Variants in GAN observed in about 807,000 individuals in gnomAD.
GAN encodes epididymis secretory sperm binding protein.
In GAN, 48 loss-of-function variants were observed where a neutral mutation model predicts 71.3. The observed-to-expected ratio is 0.67, with a 90% confidence interval of 0.53 to 0.86. The LOEUF (loss-of-function observed/expected upper bound fraction) is 0.86, where lower values mean the gene tolerates loss of function less well. Ranked by LOEUF, GAN falls within the 40% of genes least tolerant of loss-of-function variation. The probability of loss-of-function intolerance (pLI) is 0.00; values close to 1 mark genes in which losing one functional copy is unlikely to be tolerated. For missense variants in GAN, 928 were observed against 770.1 expected (o/e 1.21, Z -2.43); for synonymous variants, 386 against 276.8 (o/e 1.39, Z -3.92).
At position 81,354,729 on chromosome 16, in the gene GAN, A is replaced by T; in HGVS notation, c.607A>T (p.Ile203Leu). 6.3e-7 allele frequency: 1 copy of T among 1,596,320 alleles called. No homozygotes were observed. Among genetic ancestry groups the T allele is most frequent in the Non-Finnish European group, 8.6e-7 (1 of 1,163,654 alleles). Reference protein sequence around the residue: ...RYVFEAVIRWIAHDTEIRKVH... With the variant: ...RYVFEAVIRWLAHDTEIRKVH... ...TGTCTTTGAAGCAGTAATTCGATGG[A>T]TAGCACATGATACAGAAATAAGAAA... is the stretch of plus-strand genomic sequence containing the variant. Residue 203 changes from isoleucine to leucine, a missense_variant, in exon 3 of 11, where the codon ATA becomes TTA. By Grantham distance (5) the Ile-to-Leu change is conservative. Transcript: ENST00000648994.
chr16:81,358,259 C>G (rs1479937676), intron 5 of GAN, among the ~76,000 whole-genome samples: 1 of 152,144 alleles, frequency 6.6e-6, no homozygotes, highest in East Asian at 1.9e-4. Flanking sequence ...TTTCTTTGCA[C>G]CATGGTAGTC....
Position 81,377,714 on chromosome 16 carries a change from CTT to C in GAN, c.*120_*121del, listed in dbSNP as rs1904286876. ...TGTGCTGGGCTTTGGTATGGTAACT[CTT>C]TGGTGGTTTTATGATGCTTACAAAC... On this transcript the variant is annotated 3_prime_UTR_variant, in exon 11 of 11. Transcript: ENST00000648994. 1.1e-6 allele frequency: 1 copy of C among 950,184 alleles called. No individual in the cohort carries two copies. The highest frequency in any genetic ancestry group is 1.7e-6 in the Non-Finnish European group (1 of 582,168). 58.9% of individuals were successfully genotyped at this position (950,184 alleles called of 1,614,324 possible).
At chr16:81,362,702 G>A (rs1427139243) in intron 6 of GAN, 91 bp downstream of exon 6, 4 of 798,302 alleles carry the variant, frequency 5.0e-6, no homozygotes, top group African/African-American at 1.7e-5. Flanking sequence ...GGAAGAAACG[G>A]CAGCCTTGTC....
rs1005192700 is a variant in GAN at position 81,380,141 on chromosome 16, A to C, written c.*2545A>C. 1 of 152,602 alleles carries C rather than the reference A, an allele frequency of 6.6e-6. No homozygotes were observed. Among genetic ancestry groups the C allele is most frequent in the Non-Finnish European group, 1.5e-5 (1 of 68,036 alleles). The allele number at this position is 152,602 out of a possible 1,614,324, so 9.5% of individuals were successfully genotyped here. On this transcript the variant is annotated 3_prime_UTR_variant, in exon 11 of 11. Transcript: ENST00000648994. ...TAATCATGACTCTTTTGTAAATTAC[A>C]GTTATTTCAGTATTGTAAAATAAAT...
At chr16:81,337,507 A>G (rs1471304462) in intron 1 of GAN, among the ~76,000 whole-genome samples, 1 of 152,216 alleles carries the variant, frequency 6.6e-6, no homozygotes, top group East Asian at 1.9e-4. Flanking sequence ...GATTCTTGGA[A>G]GACGATGACC....
chr16:81,356,884 G>T lies in GAN; in HGVS notation c.733G>T (p.Val245Phe). ...GAATGAACCATTAGTACGAGAAATT[G>T]TCAAAGAGTGTAGCAATATACCGCT... ...MLNEPLVREI[V>F]KECSNIPLSQ... The change falls in exon 4 of 11, where the codon GTC becomes TTC. Residue 245 changes from valine to phenylalanine, a missense_variant. Coordinates refer to ENST00000648994, the MANE Select transcript of GAN (RefSeq NM_022041.4). 6.2e-7 allele frequency: 1 copy of T among 1,613,914 alleles called. No homozygotes were observed. Among genetic ancestry groups the T allele is most frequent in the Non-Finnish European group, 8.5e-7 (1 of 1,179,836 alleles).
At chr16:81,365,252 T>A in intron 8 of GAN, 98 bp from the exon 9 acceptor site, 1 of 1,566,672 alleles carries the variant, frequency 6.4e-7, no homozygotes, top group African/African-American at 1.3e-5. Context: ...AAGGCCCACG[T>A]AGTAATGCTG....
chr16:81,341,847 TAA>T (rs1425376018), intron 1 of GAN, among the ~76,000 whole-genome samples: 7 of 152,100 alleles, frequency 4.6e-5, no homozygotes, highest in Non-Finnish European at 1.0e-4. Flanking sequence ...GCAAATTGGA[TAA>T]AGAGTCAAGA....
intron 1 of GAN, among the ~76,000 whole-genome samples, chr16:81,335,171 G>A (rs1354768300): frequency 1.3e-5 from 2 of 151,206 alleles, no homozygotes; most frequent in Middle Eastern, 3.2e-3. Context: ...GGTGTTCCAG[G>A]CAGGGAGGAG....
chr16:81,316,103 G>C (rs557916398), intron 1 of GAN, among the ~76,000 whole-genome samples: 1 of 152,316 alleles, frequency 6.6e-6, no homozygotes, highest in East Asian at 1.9e-4. Flanking sequence ...TTAAAAGGTT[G>C]ATAAGACAGT....
At chr16:81,364,352 C>G (rs9923254) in intron 7 of GAN, among the ~76,000 whole-genome samples, 101,275 of 152,042 alleles carry the variant, frequency 0.67, 34,205 homozygotes, top group East Asian at 0.93. Context: ...TCACTGCAAC[C>G]TCTTTCTGCC....
Position 81,365,376 on chromosome 16 carries a change from C to T in GAN, c.1400C>T (p.Ala467Val). 6.2e-7 allele frequency: 1 copy of T among 1,613,546 alleles called. No individual in the cohort carries two copies. The highest frequency in any genetic ancestry group is 8.5e-7 in the Non-Finnish European group (1 of 1,179,904). Reference protein sequence around the residue: ...RRFGAVACGVAMELYVFGGVR... With the variant: ...RRFGAVACGVVMELYVFGGVR... ...TTTGGAGCGGTGGCCTGTGGAGTTGCTATGGAGCTGTATGTGTTTGGGGGA... is the reference window on the plus strand; with the variant it reads ...TTTGGAGCGGTGGCCTGTGGAGTTGTTATGGAGCTGTATGTGTTTGGGGGA... The change falls in exon 9 of 11, where the codon GCT becomes GTT. Residue 467 changes from alanine to valine, a missense_variant. Transcript: ENST00000648994.
chr16:81,375,805 A>G lies in GAN; in HGVS notation c.1503-1414A>G, dbSNP rs895115224. Among the ~76,000 whole-genome samples the G allele has an allele frequency of 1.7e-4, 24 of 145,442 alleles. 1 individual carries two copies. The South Asian group carries it at 2.2e-3, about 13-fold the overall frequency. On this transcript the variant is annotated intron_variant, in intron 9 of 10. Coordinates refer to ENST00000648994, the MANE Select transcript of GAN (RefSeq NM_022041.4). ...GCATGGTGAGACCTCATCTCTATGG[A>G]AAAAAAAAAAATTCATTAGCTGGGT...
Position 81,375,717 on chromosome 16 carries a change from G to A in GAN, c.1503-1502G>A, listed in dbSNP as rs150904799. On this transcript the variant is annotated intron_variant, in intron 9 of 10. Coordinates refer to ENST00000648994, the MANE Select transcript of GAN (RefSeq NM_022041.4). ...ATGGTGGCTCACACCTGCAATCCCA[G>A]TACTTTAGGAGGCCAAGACAGAAGG... Among the ~76,000 whole-genome samples, 362 of 152,088 alleles carry A rather than the reference G, an allele frequency of 2.4e-3. 4 individuals are homozygous for A. Among genetic ancestry groups the A allele is most frequent in the African/African-American group, 8.3e-3 (346 of 41,504 alleles).
intron 1 of GAN, among the ~76,000 whole-genome samples, chr16:81,330,598 A>G (rs926471916): frequency 1.3e-5 from 2 of 152,256 alleles, no homozygotes; most frequent in South Asian, 2.1e-4. Context: ...TTCAATTCGT[A>G]TATGTAGAAG....
rs143522076 is a variant in GAN at position 81,342,247 on chromosome 16, A to G, written c.168-9336A>G. Reference sequence around the variant, plus strand: ...AATGAGACAGAAAATTAATAAGGGTATGCAGAACTTGAACTCAGCTCTGGA... The same window carrying G: ...AATGAGACAGAAAATTAATAAGGGTGTGCAGAACTTGAACTCAGCTCTGGA... On this transcript the variant is annotated intron_variant, in intron 1 of 10. Transcript: ENST00000648994. 1.9e-3 allele frequency among the ~76,000 whole-genome samples: 293 copies of G among 152,366 alleles called. 1 individual carries two copies. The highest frequency in any genetic ancestry group is 6.3e-3 in the African/African-American group (262 of 41,590).
chr16:81,364,865 C>G lies in GAN; in HGVS notation c.1237-109C>G, dbSNP rs114761726. On this transcript the variant is annotated intron_variant, in intron 7 of 10. Transcript: ENST00000648994. ...GCACCATCGTTTTACGGTTAGAAAT[C>G]AAACCCCTTCCTAAATCTCTTTAAG... The G allele has an allele frequency of 8.4e-4, 930 of 1,106,362 alleles. 5 individuals carry two copies. In the African/African-American group the frequency reaches 0.012, roughly 15 times the overall value. 68.5% of individuals were successfully genotyped at this position (1,106,362 alleles called of 1,614,324 possible).
chr16:81,376,247 C>G (rs147866135), intron 9 of GAN, among the ~76,000 whole-genome samples: 183 of 151,542 alleles, frequency 1.2e-3, no homozygotes, highest in African/African-American at 4.2e-3. Flanking sequence ...CATAAGTCCG[C>G]AAAAAAGACT....
intron 3 of GAN, among the ~76,000 whole-genome samples, chr16:81,355,088 C>T (rs567579653): frequency 6.6e-6 from 1 of 152,162 alleles, no homozygotes; most frequent in African/African-American, 2.4e-5. Context: ...GCATCCTGAC[C>T]TACTATATCA....
Sources: allele counts gnomAD v4.1 joint callset (sites outside exome capture counted in the v4.1 genomes callset), GRCh38; gene constraint gnomAD v4.1.1; transcripts MANE v1.5; gene names NCBI Gene and HGNC (gene_info 2026-07-23, HGNC 2026-07-21).